CD302: variants seen among roughly 807,000 people sequenced by gnomAD.
CD302 encodes CD302 antigen.
Under a neutral mutation model 26.5 loss-of-function variants are expected in CD302, and 23 were observed. The ratio of observed to expected loss-of-function variants is 0.87; its 90% CI spans 0.62 to 1.23. The LOEUF (loss-of-function observed/expected upper bound fraction) is 1.23. Among genes scored for constraint, CD302 ranks in the 50% most tolerant of loss-of-function variants. The pLI is 0.00. For synonymous variants in CD302, 90 were observed against 99.4 expected, an observed-to-expected ratio of 0.91 and a Z score of 0.56; for missense variants, 290 against 275.5, an observed-to-expected ratio of 1.05 and a Z score of -0.37.
chr2:159,774,241 AAT>A (rs753285085), intron 5 of CD302, among the ~76,000 whole-genome samples: 29 of 152,256 alleles, frequency 1.9e-4, no homozygotes, highest in Non-Finnish European at 4.0e-4. Flanking sequence ...TCCATAGATA[AAT>A]ATGTGTGTGT....
chr2:159,778,015 G>A, intron 4 of CD302, 51 bp from the exon 5 acceptor site: 2 of 743,294 alleles, frequency 2.7e-6, no homozygotes, highest in Admixed American at 3.5e-5. Context: ...CTTTATTATA[G>A]GATTGACTTT....
At chr2:159,786,373 G>A (rs533731604) in intron 1 of CD302, among the ~76,000 whole-genome samples, 93 of 133,858 alleles carry the variant, frequency 6.9e-4, no homozygotes, top group African/African-American at 2.5e-3. Flanking sequence ...TCACTCTGTC[G>A]CCCAGGCTGG....
intron 1 of CD302, among the ~76,000 whole-genome samples, chr2:159,787,638 T>C (rs1449461790): frequency 6.6e-6 from 1 of 152,224 alleles, no homozygotes; most frequent in Admixed American, 6.5e-5. Context: ...TATTGTTTTA[T>C]TACTGTTTTG....
At chr2:159,779,263 GACGGGTC>G (rs963326247) in intron 4 of CD302, among the ~76,000 whole-genome samples, 1 of 130,734 alleles carries the variant, frequency 7.6e-6, no homozygotes, top group Admixed American at 7.6e-5. Context: ...AAAACCTTCT[GACGGGTC>G]AGAAGAAAAC....
At position 159,771,994 on chromosome 2, in the gene CD302, C is replaced by T; in HGVS notation, c.556G>A (p.Gly186Arg). 1 of 1,613,794 alleles carries T rather than the reference C, an allele frequency of 6.2e-7. No homozygotes were observed. Among genetic ancestry groups the T allele is most frequent in the Non-Finnish European group, 8.5e-7 (1 of 1,179,902 alleles). ...TTGTACAGGAACCAAATGATTGCTC[C>T]CAAAACTGTCAAAATTACCGTGCTA... ...IASTVILTVLGAIIWFLYKKH... is the reference protein window; with the variant it reads ...IASTVILTVLRAIIWFLYKKH... The change falls in exon 6 of 6, where the codon GGA becomes AGA. Residue 186 changes from glycine to arginine, a missense_variant. Transcript: ENST00000259053.
chr2:159,797,287 C>G (rs1413471568), intron 1 of CD302, among the ~76,000 whole-genome samples: 3 of 151,792 alleles, frequency 2.0e-5, no homozygotes, highest in Middle Eastern at 3.2e-3. Flanking sequence ...CACACAAGTA[C>G]TCATTTAGTT....
chr2:159,773,310 A>G (rs1708213202), intron 5 of CD302, among the ~76,000 whole-genome samples: 1 of 152,188 alleles, frequency 6.6e-6, no homozygotes, highest in African/African-American at 2.4e-5. Flanking sequence ...CACCGTGCCC[A>G]GCCCCGTAGT....
At chr2:159,793,173 T>C (rs571153173) in intron 1 of CD302, among the ~76,000 whole-genome samples, 22 of 152,208 alleles carry the variant, frequency 1.4e-4, no homozygotes, top group Non-Finnish European at 3.1e-4. Flanking sequence ...GATAGGTTGT[T>C]ATTAATAATG....
intron 1 of CD302, among the ~76,000 whole-genome samples, chr2:159,785,884 C>T (rs1163200166): frequency 6.6e-6 from 1 of 152,120 alleles, no homozygotes; most frequent in Non-Finnish European, 1.5e-5. Context: ...AGGAACACGG[C>T]TTTAACGTCA....
intron 5 of CD302, among the ~76,000 whole-genome samples, chr2:159,773,746 C>T (rs1396271061): frequency 6.6e-6 from 1 of 152,162 alleles, no homozygotes; most frequent in Admixed American, 6.5e-5. Context: ...TAGTTTATAT[C>T]TGGAGGTTAG....
intron 1 of CD302, among the ~76,000 whole-genome samples, chr2:159,792,030 G>T (rs889674691): frequency 1.3e-5 from 2 of 152,338 alleles, no homozygotes; most frequent in East Asian, 3.9e-4. Context: ...TCTGGGTCAG[G>T]AATTCTGAAG....
chr2:159,772,379 CTGT>C (rs1329175217), intron 5 of CD302, among the ~76,000 whole-genome samples: 1 of 152,180 alleles, frequency 6.6e-6, no homozygotes, highest in African/African-American at 2.4e-5. Context: ...TTCAGACCTA[CTGT>C]TCCCTTTAGG....
intron 5 of CD302, among the ~76,000 whole-genome samples, chr2:159,777,192 G>A (rs754560858): frequency 7.9e-5 from 12 of 152,282 alleles, no homozygotes; most frequent in African/African-American, 2.4e-4. Flanking sequence ...TCAAGACTGC[G>A]GTGAGTCAAG....
intron 1 of CD302, among the ~76,000 whole-genome samples, chr2:159,786,335 T>C (rs1288715204): frequency 1.1e-4 from 1 of 9,380 alleles, no homozygotes; most frequent in Admixed American, 1.9e-3. Context: ...TCTTTTTCTT[T>C]TTTTTTTTTT....
intron 5 of CD302, 84 bp from the exon 6 acceptor site, chr2:159,772,137 T>C (rs1708168672): frequency 7.0e-7 from 1 of 1,435,328 alleles, no homozygotes; most frequent in African/African-American, 1.4e-5. Context: ...ACTGTAGTTT[T>C]GTGTAAACAT....
chr2:159,774,381 T>C (rs140777574), intron 5 of CD302, among the ~76,000 whole-genome samples: 32 of 152,312 alleles, frequency 2.1e-4, no homozygotes, highest in African/African-American at 7.5e-4. Flanking sequence ...TTCTTCTGTT[T>C]CCTATTTATC....
chr2:159,775,401 A>G (rs989263856), intron 5 of CD302, among the ~76,000 whole-genome samples: 1 of 152,136 alleles, frequency 6.6e-6, no homozygotes, highest in Non-Finnish European at 1.5e-5. Flanking sequence ...CCACAGACCT[A>G]TTTTTTTCTA....
chr2:159,798,058 A>T, intron 1 of CD302, 74 bp downstream of exon 1: 1 of 1,390,658 alleles, frequency 7.2e-7, no homozygotes, highest in Non-Finnish European at 9.6e-7. Flanking sequence ...GTGCGCGGGG[A>T]CGAAGAGCGT....
Position 159,780,856 on chromosome 2 carries a change from C to T in CD302, c.295+26G>A, listed in dbSNP as rs559416921. 65 of 1,595,948 alleles carry T rather than the reference C, an allele frequency of 4.1e-5. 1 individual carries two copies. Among genetic ancestry groups the T allele is most frequent in the South Asian group, 2.5e-4 (22 of 89,670 alleles). ...CATTAAAAAAAGAACAACAAAGTCACGTCCCACGAGGTAAATATCACTTAC... is the reference window on the plus strand; with the variant it reads ...CATTAAAAAAAGAACAACAAAGTCATGTCCCACGAGGTAAATATCACTTAC... On this transcript the variant is annotated intron_variant, in intron 3 of 5. Coordinates refer to ENST00000259053, the MANE Select transcript of CD302 (RefSeq NM_014880.5).
Sources: gnomAD v4.1 joint callset for allele counts (sites outside exome capture counted in the v4.1 genomes callset) on GRCh38, gnomAD v4.1.1 for gene constraint, MANE v1.5 for transcripts, NCBI Gene and HGNC (gene_info 2026-07-23, HGNC 2026-07-21) for gene names.